Variants in PPARA observed in about 807,000 individuals in gnomAD.
PPARA encodes the protein peroxisome proliferator-activated receptor alpha.
A neutral mutation model predicts 42.2 loss-of-function variants in PPARA; 22 were observed. The observed-to-expected ratio is 0.52, with a 90% CI of 0.37 to 0.74. The LOEUF (loss-of-function observed/expected upper bound fraction) is 0.74. Among genes scored for constraint, PPARA ranks in the 30% least tolerant of loss-of-function variants. The probability of loss-of-function intolerance (pLI) is 0.00; values close to 1 mark genes in which losing one functional copy is unlikely to be tolerated. For missense variants in PPARA, 465 were observed against 608.2 expected (o/e 0.76, Z 2.48); for synonymous variants, 242 against 239.3 (o/e 1.01, Z -0.10).
chr22:46,204,296 G>A lies in PPARA; in HGVS notation c.208+5705G>A. ...GCTTATGGCTATTACAAATAAAGCT[G>A]CTATGAACATTCACGTACAAGTCTC... is the stretch of plus-strand genomic sequence containing the variant. On this transcript the variant is annotated intron_variant, in intron 4 of 8. Transcript: ENST00000407236. This position sits in a 1 kb window ranked among gnomAD's most constrained non-coding sequence, Gnocchi z 5.2. 1.3e-5 allele frequency among the ~76,000 whole-genome samples: 2 copies of A among 152,194 alleles called. 1 individual carries two copies. Among genetic ancestry groups the A allele is most frequent in the Middle Eastern group, 6.3e-3 (2 of 316 alleles).
At chr22:46,199,159 C>T (rs1932720752) in intron 4 of PPARA, among the ~76,000 whole-genome samples, 2 of 152,162 alleles carry the variant, frequency 1.3e-5, no homozygotes, top group Admixed American at 1.3e-4. Flanking sequence ...TACACAGACC[C>T]TAACCCCAGC....
intron 3 of PPARA, among the ~76,000 whole-genome samples, chr22:46,194,885 TTTTC>T (rs1483986095): frequency 7.1e-5 from 9 of 126,470 alleles, no homozygotes; most frequent in East Asian, 4.9e-4. Context: ...CAGCTACCTG[TTTTC>T]TTTCTTTTTT....
rs1932981369 is a variant in PPARA, at chr22:46,203,805, CG to C, written c.208+5215del. On this transcript the variant is annotated intron_variant, in intron 4 of 8. Transcript: ENST00000407236. The surrounding 1 kb of genome is among the most constrained non-coding windows in gnomAD (Gnocchi z 5.8). ...TTCTCCCAATGCCCAGGTGGGTCCC[CG>C]TCCCTTGCGGGCCTGTCCAGACAAG... 6.6e-6 allele frequency among the ~76,000 whole-genome samples: 1 copy of C among 152,184 alleles called. No individual in the cohort carries two copies. The highest frequency in any genetic ancestry group is 1.5e-5 in the Non-Finnish European group (1 of 68,016).
chr22:46,158,741 A>G (rs1414968439), intron 2 of PPARA, among the ~76,000 whole-genome samples: 3 of 152,230 alleles, frequency 2.0e-5, no homozygotes, highest in Admixed American at 2.0e-4. Flanking sequence ...AGTTTTCCAC[A>G]TGGAACAAAA....
chr22:46,168,351 C>CAAAAAAAAA lies in PPARA; in HGVS notation c.-126-8383_-126-8375dup, dbSNP rs35345592. On this transcript the variant is annotated intron_variant, in intron 2 of 8. Transcript: ENST00000407236. The stretch of plus-strand genomic sequence containing the variant: ...TGGACAACAGAGCGAGACTCCATCT[C>CAAAAAAAAA]AAAAAAAAAAAAAAAAAAAAAAAAA... Among the ~76,000 whole-genome samples, 24 of 14,382 alleles carry CAAAAAAAAA rather than the reference C, an allele frequency of 1.7e-3. 5 individuals are homozygous for CAAAAAAAAA. Among genetic ancestry groups the CAAAAAAAAA allele is most frequent in the Non-Finnish European group, 2.3e-3 (17 of 7,238 alleles). 9.4% of individuals were successfully genotyped at this position (14,382 alleles called of 152,430 possible). A position where few individuals can be genotyped will look rare whatever the true frequency, so the allele number is the denominator to read the frequency against.
chr22:46,205,141 G>C (rs1302570226), intron 4 of PPARA, among the ~76,000 whole-genome samples: 1 of 151,990 alleles, frequency 6.6e-6, no homozygotes, highest in Non-Finnish European at 1.5e-5. Context: ...TGGGATTACA[G>C]GTGTGAGCCA....
chr22:46,189,646 C>A (rs889748809), intron 3 of PPARA, among the ~76,000 whole-genome samples: 1 of 151,744 alleles, frequency 6.6e-6, no homozygotes, highest in Non-Finnish European at 1.5e-5. Context: ...TCTAAACTGA[C>A]TTTGTTAGCG....
rs947620688 is a variant in PPARA, at chr22:46,234,123, A to G, written c.1160-1010A>G. ...ACAGGCATGAGCCACTGCACCCGGC[A>G]ATAATTCCTCTCTTTAGAGACTTAA... On this transcript the variant is annotated intron_variant, in intron 8 of 8. Transcript: ENST00000407236. The surrounding 1 kb of genome is among the most constrained non-coding windows in gnomAD (Gnocchi z 5.8). 5.3e-5 allele frequency among the ~76,000 whole-genome samples: 8 copies of G among 151,954 alleles called. No individual in the cohort carries two copies. Among genetic ancestry groups the G allele is most frequent in the African/African-American group, 1.9e-4 (8 of 41,374 alleles).
Position 46,225,449 on chromosome 22 carries a change from C to CT in PPARA, c.711+5436dup, listed in dbSNP as rs1390761831. On this transcript the variant is annotated intron_variant, in intron 7 of 8. Coordinates refer to ENST00000407236, the MANE Select transcript of PPARA (RefSeq NM_005036.6). The surrounding 1 kb of genome is among the most constrained non-coding windows in gnomAD (Gnocchi z 4.1). ...TTGGAGGAAGCAACAGAAAATGAGACTGAGGGGCTTGGGCAGAGTCAGTGC... is the reference window on the plus strand; with the variant it reads ...TTGGAGGAAGCAACAGAAAATGAGACTTGAGGGGCTTGGGCAGAGTCAGTGC... Among the ~76,000 whole-genome samples the CT allele has an allele frequency of 6.6e-6, 1 of 152,144 alleles. No individual in the cohort carries two copies. The highest frequency in any genetic ancestry group is 2.4e-5 in the African/African-American group (1 of 41,404).
rs756413118 is a variant in PPARA, at chr22:46,235,042, A to T, written c.1160-91A>T. ...GCTCAGTTTTTTTCTAAGAAAGGCC[A>T]CATAAAATAGGCATGTTTGGTTCCT... On this transcript the variant is annotated intron_variant, in intron 8 of 8. Transcript: ENST00000407236. The surrounding 1 kb of genome is among the most constrained non-coding windows in gnomAD (Gnocchi z 7.0). 16 of 1,559,914 alleles carry T rather than the reference A, an allele frequency of 1.0e-5. No individual in the cohort carries two copies. Among genetic ancestry groups the T allele is most frequent in the Non-Finnish European group, 1.4e-5 (16 of 1,131,982 alleles).
At position 46,239,007 on chromosome 22, in the gene PPARA, C is replaced by CT; in HGVS notation, c.*3628dup. The CT allele has an allele frequency of 6.6e-6, 1 of 152,320 alleles. No individual in the cohort carries two copies. The allele number at this position is 152,320 out of a possible 1,614,324, so 9.4% of individuals were successfully genotyped here. On this transcript the variant is annotated 3_prime_UTR_variant, in exon 9 of 9. Transcript: ENST00000407236. ...GATGAGAAGAGTATAAAGCATCTTC[C>CT]TAACGGGTGTGTTTGCTATACGAAC...
At position 46,232,340 on chromosome 22, in the gene PPARA, T is replaced by TG. The variant is rs1935932160; in HGVS notation, c.1159+103dup. 1 of 1,199,810 alleles carries TG rather than the reference T, an allele frequency of 8.3e-7. No homozygotes were observed. Among genetic ancestry groups the TG allele is most frequent in the African/African-American group, 1.5e-5 (1 of 66,932 alleles). The allele number at this position is 1,199,810 out of a possible 1,614,324, so 74.3% of individuals were successfully genotyped here. On this transcript the variant is annotated intron_variant, in intron 8 of 8. Transcript: ENST00000407236. This position sits in a 1 kb window ranked among gnomAD's most constrained non-coding sequence, Gnocchi z 5.3. Reference sequence around the variant, plus strand: ...CCAGTACCAGCCTGAGCTGTTCCAGTGGAGGGGACACTCACATGGTGGGAA... The same window carrying TG: ...CCAGTACCAGCCTGAGCTGTTCCAGTGGGAGGGGACACTCACATGGTGGGAA...
rs142298844 is a variant in PPARA, at chr22:46,235,242, C to T, written c.1269C>T (p.Phe423=). ...QSNHPDDIFL[F]PKLLQKMADL... ...ACCACCCGGACGATATCTTTCTCTT[C>T]CCAAAACTTCTTCAAAAAATGGCAG... The change falls in exon 9 of 9, where the codon TTC becomes TTT. Residue 423 remains phenylalanine, a synonymous_variant. Transcript: ENST00000407236. This position sits in a 1 kb window ranked among gnomAD's most constrained non-coding sequence, Gnocchi z 7.0. 8 of 1,613,964 alleles carry T rather than the reference C, an allele frequency of 5.0e-6. No homozygotes were observed. Among genetic ancestry groups the T allele is most frequent in the African/African-American group, 4.0e-5 (3 of 74,916 alleles).
intron 3 of PPARA, among the ~76,000 whole-genome samples, chr22:46,181,972 G>T (rs190820549): frequency 6.6e-6 from 1 of 152,362 alleles, no homozygotes; most frequent in Admixed American, 6.5e-5. Flanking sequence ...CTGAGTAGCT[G>T]GGAGTACGGG....
intron 4 of PPARA, among the ~76,000 whole-genome samples, chr22:46,207,304 CAG>C (rs904583074): frequency 1.7e-5 from 2 of 120,134 alleles, no homozygotes; most frequent in African/African-American, 6.5e-5. Flanking sequence ...TTTTTTGAGA[CAG>C]AGTCTCGCTC....
rs1569258001 is a variant in PPARA at position 46,236,355 on chromosome 22, C to T, written c.*975C>T. 1 of 152,624 alleles carries T rather than the reference C, an allele frequency of 6.6e-6. No individual in the cohort carries two copies. The highest frequency in any genetic ancestry group is 1.5e-5 in the Non-Finnish European group (1 of 68,036). The allele number at this position is 152,624 out of a possible 1,614,324, so 9.5% of individuals were successfully genotyped here. Reference sequence around the variant, plus strand: ...GTTGTAACTAATATGTGGAAAGGCCCATTTCCAGGTTTGCGTAGAAGAGCC... The same window carrying T: ...GTTGTAACTAATATGTGGAAAGGCCTATTTCCAGGTTTGCGTAGAAGAGCC... On this transcript the variant is annotated 3_prime_UTR_variant, in exon 9 of 9. Coordinates refer to ENST00000407236, the MANE Select transcript of PPARA (RefSeq NM_005036.6). This position sits in a 1 kb window ranked among gnomAD's most constrained non-coding sequence, Gnocchi z 5.2.
At chr22:46,213,631 C>G (rs1402213570) in intron 4 of PPARA, among the ~76,000 whole-genome samples, 7 of 151,388 alleles carry the variant, frequency 4.6e-5, no homozygotes, top group African/African-American at 1.7e-4. Flanking sequence ...GCTCTGTCAC[C>G]CAGGCTGGAG....
At position 46,231,344 on chromosome 22, in the gene PPARA, G is replaced by A. The variant is rs1195864387; in HGVS notation, c.712-448G>A. 4.0e-5 allele frequency among the ~76,000 whole-genome samples: 6 copies of A among 151,820 alleles called. No homozygotes were observed. Among genetic ancestry groups the A allele is most frequent in the South Asian group, 4.2e-4 (2 of 4,818 alleles). On this transcript the variant is annotated intron_variant, in intron 7 of 8. Coordinates refer to ENST00000407236, the MANE Select transcript of PPARA (RefSeq NM_005036.6). This position sits in a 1 kb window ranked among gnomAD's most constrained non-coding sequence, Gnocchi z 7.7. Reference sequence around the variant, plus strand: ...CGCCATTCTCCTGCCTCAGCCTCCCGAGTAGCTGGGACTACAGGCGCCCGC... The same window carrying A: ...CGCCATTCTCCTGCCTCAGCCTCCCAAGTAGCTGGGACTACAGGCGCCCGC...
In PPARA at chr22:46,198,613, A is replaced by C. The variant is rs770508394; in HGVS notation, c.208+22A>C. On this transcript the variant is annotated intron_variant, in intron 4 of 8. Transcript: ENST00000407236. Reference sequence around the variant, plus strand: ...ACGGGTAAGTGTGCCGTTTCCTAGAAAGTTTTATTTAGAAATGTTTCTTCC... The same window carrying C: ...ACGGGTAAGTGTGCCGTTTCCTAGACAGTTTTATTTAGAAATGTTTCTTCC... 30 of 1,603,364 alleles carry C rather than the reference A, an allele frequency of 1.9e-5. No individual in the cohort carries two copies. The South Asian group carries it at 3.1e-4, about 16-fold the overall frequency.
Sources: gnomAD v4.1 joint callset for allele counts (sites outside exome capture counted in the v4.1 genomes callset) on GRCh38, gnomAD v4.1.1 for gene constraint, Gnocchi (gnomAD v3.1) non-coding constraint, MANE v1.5 for transcripts, NCBI Gene and HGNC (gene_info 2026-07-23, HGNC 2026-07-21) for gene names.